Variants in KIRREL3 observed in about 807,000 individuals in gnomAD.
KIRREL3 encodes the protein kirre like nephrin family adhesion molecule 3.
KIRREL3 carries 36 observed loss-of-function variants against 89.7 expected under a neutral mutation model. That is an observed-to-expected ratio of 0.40 (90% confidence interval 0.31 to 0.53). The LOEUF (loss-of-function observed/expected upper bound fraction) is 0.53, where lower values mean the gene tolerates loss of function less well. Among genes scored for constraint, KIRREL3 ranks in the 20% least tolerant of loss-of-function variants. The pLI, the probability that KIRREL3 is intolerant of heterozygous loss-of-function variation, is 0.49. For missense variants in KIRREL3, 864 were observed against 1,056.6 expected (o/e 0.82, Z 2.53); for synonymous variants, 445 against 441.4 (o/e 1.01, Z -0.10).
At chr11:126,813,103 T>C (rs902751441) in intron 1 of KIRREL3, among the ~76,000 whole-genome samples, 3 of 152,308 alleles carry the variant, frequency 2.0e-5, no homozygotes, top group East Asian at 3.9e-4. Context: ...GGCTCGTGTC[T>C]CCTTGTAGTA....
In KIRREL3 at chr11:126,658,010, G is replaced by A. The variant is rs150020852; in HGVS notation, c.56-95098C>T. Among the ~76,000 whole-genome samples, 327 of 152,252 alleles carry A rather than the reference G, an allele frequency of 2.1e-3. 10 individuals are homozygous for A. The highest frequency in any genetic ancestry group is 0.013 in the Admixed American group (206 of 15,294). ...AGAAGATGGCATTGCCAAAGCCTGGGGCTGCTCACCCAATCCCTTTGTGTC... is the reference window on the plus strand; with the variant it reads ...AGAAGATGGCATTGCCAAAGCCTGGAGCTGCTCACCCAATCCCTTTGTGTC... On this transcript the variant is annotated intron_variant, in intron 1 of 16. Coordinates refer to ENST00000525144, the MANE Select transcript of KIRREL3 (RefSeq NM_032531.4).
chr11:126,445,488 T>C (rs1320289319), intron 9 of KIRREL3, among the ~76,000 whole-genome samples: 2 of 152,250 alleles, frequency 1.3e-5, no homozygotes, highest in East Asian at 3.9e-4. Context: ...TAGCCATGGG[T>C]GACATGATCC....
Position 126,520,904 on chromosome 11 carries a change from G to A in KIRREL3, c.433+411C>T, listed in dbSNP as rs1958565211. Among the ~76,000 whole-genome samples, 1 of 152,118 alleles carries A rather than the reference G, an allele frequency of 6.6e-6. No homozygotes were observed. Among genetic ancestry groups the A allele is most frequent in the Non-Finnish European group, 1.5e-5 (1 of 68,014 alleles). ...TTCTACAGAGAAGGTGGAAAGATAG[G>A]GCTTTGTTAGCACCGGAGTGGGGGT... On this transcript the variant is annotated intron_variant, in intron 4 of 16. Coordinates refer to ENST00000525144, the MANE Select transcript of KIRREL3 (RefSeq NM_032531.4). The surrounding 1 kb of genome is among the most constrained non-coding windows in gnomAD (Gnocchi z 4.9).
rs1413127503 is a variant in KIRREL3 at position 126,965,232 on chromosome 11, G to C, written c.55+35223C>G. ...TCAAATTAATAAGTCCACTTGGTTT[G>C]ATTACTTTCATTTAGTTAATTTATA... On this transcript the variant is annotated intron_variant, in intron 1 of 16. Coordinates refer to ENST00000525144, the MANE Select transcript of KIRREL3 (RefSeq NM_032531.4). The surrounding 1 kb of genome is among the most constrained non-coding windows in gnomAD (Gnocchi z 4.4). Among the ~76,000 whole-genome samples, 1 of 152,144 alleles carries C rather than the reference G, an allele frequency of 6.6e-6. No individual in the cohort carries two copies. Among genetic ancestry groups the C allele is most frequent in the African/African-American group, 2.4e-5 (1 of 41,434 alleles).
chr11:126,471,452 TC>T lies in KIRREL3; in HGVS notation c.591+1856del, dbSNP rs1161003636. On this transcript the variant is annotated intron_variant, in intron 5 of 16. Coordinates refer to ENST00000525144, the MANE Select transcript of KIRREL3 (RefSeq NM_032531.4). The surrounding 1 kb of genome is among the most constrained non-coding windows in gnomAD (Gnocchi z 5.4). ...GAAAAGACAGTTTGCTACTCATAGT[TC>T]CCAGAGGAAGGGGAGGCCCCAGGGT... Among the ~76,000 whole-genome samples the T allele has an allele frequency of 6.6e-6, 1 of 152,036 alleles. No individual in the cohort carries two copies. Among genetic ancestry groups the T allele is most frequent in the Non-Finnish European group, 1.5e-5 (1 of 68,000 alleles).
At position 126,747,442 on chromosome 11, in the gene KIRREL3, C is replaced by T. The variant is rs1949190468; in HGVS notation, c.56-184530G>A. 1.3e-5 allele frequency among the ~76,000 whole-genome samples: 2 copies of T among 152,206 alleles called. No homozygotes were observed. Among genetic ancestry groups the T allele is most frequent in the African/African-American group, 4.8e-5 (2 of 41,454 alleles). On this transcript the variant is annotated intron_variant, in intron 1 of 16. Coordinates refer to ENST00000525144, the MANE Select transcript of KIRREL3 (RefSeq NM_032531.4). The surrounding 1 kb of genome is among the most constrained non-coding windows in gnomAD (Gnocchi z 4.7). Reference sequence around the variant, plus strand: ...GTTATCCCAGACCATTTACCATTCTCTGATTAAGTCATGCAACCTCATCGC... The same window carrying T: ...GTTATCCCAGACCATTTACCATTCTTTGATTAAGTCATGCAACCTCATCGC...
chr11:126,853,060 GT>G (rs997249851), intron 1 of KIRREL3, among the ~76,000 whole-genome samples: 3 of 152,080 alleles, frequency 2.0e-5, no homozygotes, highest in African/African-American at 7.2e-5. Flanking sequence ...TGTCGTGCAA[GT>G]TTTTTTGTGT....
At chr11:126,577,592 CAAA>C (rs61210940) in intron 1 of KIRREL3, among the ~76,000 whole-genome samples, 4 of 115,972 alleles carry the variant, frequency 3.4e-5, no homozygotes, top group Admixed American at 9.5e-5. Flanking sequence ...ACTAAAAATA[CAAA>C]AAAAAAAAAA....
intron 1 of KIRREL3, among the ~76,000 whole-genome samples, chr11:126,813,721 G>A (rs1951464062): frequency 6.6e-6 from 1 of 151,708 alleles, no homozygotes; most frequent in African/African-American, 2.4e-5. Context: ...TAAGTGAATA[G>A]TGCCCTTAAA....
At chr11:126,556,036 C>G (rs1474004080) in intron 2 of KIRREL3, among the ~76,000 whole-genome samples, 1 of 152,228 alleles carries the variant, frequency 6.6e-6, no homozygotes, top group Non-Finnish European at 1.5e-5. Context: ...GCCACCGTGC[C>G]CGGCCTTCAG....
rs1002464873 is a variant in KIRREL3, at chr11:126,647,653, C to A, written c.56-84741G>T. On this transcript the variant is annotated intron_variant, in intron 1 of 16. Transcript: ENST00000525144. This position sits in a 1 kb window ranked among gnomAD's most constrained non-coding sequence, Gnocchi z 4.9. ...TGGTCTTCTTGCCCCTCCAAGGCTA[C>A]CCCCTGGTCCAAGTCACTTGGACCC... Among the ~76,000 whole-genome samples the A allele has an allele frequency of 1.3e-5, 2 of 152,194 alleles. No homozygotes were observed. Among genetic ancestry groups the A allele is most frequent in the African/African-American group, 4.8e-5 (2 of 41,448 alleles).
rs1456354219 is a variant in KIRREL3, at chr11:126,609,679, T to A, written c.56-46767A>T. The stretch of plus-strand genomic sequence containing the variant: ...GGGGGTTCCGAACTTTGGCTGCATA[T>A]TGGAATTATCTGAGATGTCTGAAAA... On this transcript the variant is annotated intron_variant, in intron 1 of 16. Coordinates refer to ENST00000525144, the MANE Select transcript of KIRREL3 (RefSeq NM_032531.4). This position sits in a 1 kb window ranked among gnomAD's most constrained non-coding sequence, Gnocchi z 5.0. Among the ~76,000 whole-genome samples the A allele has an allele frequency of 6.6e-6, 1 of 152,172 alleles. No homozygotes were observed. The highest frequency in any genetic ancestry group is 1.5e-5 in the Non-Finnish European group (1 of 68,038).
chr11:126,640,362 G>T lies in KIRREL3; in HGVS notation c.56-77450C>A, dbSNP rs4997110. Among the ~76,000 whole-genome samples, 3,280 of 151,804 alleles carry T rather than the reference G, an allele frequency of 0.022. 125 individuals carry two copies. The highest frequency in any genetic ancestry group is 0.074 in the African/African-American group (3,053 of 41,462). On this transcript the variant is annotated intron_variant, in intron 1 of 16. Coordinates refer to ENST00000525144, the MANE Select transcript of KIRREL3 (RefSeq NM_032531.4). This position sits in a 1 kb window ranked among gnomAD's most constrained non-coding sequence, Gnocchi z 4.9. Reference sequence around the variant, plus strand: ...CACACACAGACGCGCGTGTGCGCGCGCACACACACGCACACGCGCACACAC... The same window carrying T: ...CACACACAGACGCGCGTGTGCGCGCTCACACACACGCACACGCGCACACAC...
chr11:126,713,022 C>T (rs77791867), intron 1 of KIRREL3, among the ~76,000 whole-genome samples: 4,868 of 152,224 alleles, frequency 0.032, 175 homozygotes, highest in African/African-American at 0.094. Context: ...TTCCTCATCT[C>T]AGGGAGCTCA....
intron 1 of KIRREL3, among the ~76,000 whole-genome samples, chr11:126,617,568 A>G (rs1172182471): frequency 1.3e-5 from 2 of 152,258 alleles, no homozygotes; most frequent in African/African-American, 2.4e-5. Flanking sequence ...CCAGCAAATC[A>G]GCCATCTCAT....
intron 1 of KIRREL3, among the ~76,000 whole-genome samples, chr11:126,864,195 T>G (rs1291983659): frequency 6.6e-6 from 1 of 152,210 alleles, no homozygotes; most frequent in Non-Finnish European, 1.5e-5. Flanking sequence ...GGAGTTATTA[T>G]TCTCATTTTA....
At position 126,475,145 on chromosome 11, in the gene KIRREL3, C is replaced by G. The variant is rs899451673; in HGVS notation, c.434-1679G>C. The stretch of plus-strand genomic sequence containing the variant: ...GGCGTGGGAACCTAGCACAAAGGGT[C>G]CTCTCTGCCTGGTGGCCAGAGAAGC... On this transcript the variant is annotated intron_variant, in intron 4 of 16. Coordinates refer to ENST00000525144, the MANE Select transcript of KIRREL3 (RefSeq NM_032531.4). This position sits in a 1 kb window ranked among gnomAD's most constrained non-coding sequence, Gnocchi z 7.5. Among the ~76,000 whole-genome samples the G allele has an allele frequency of 6.6e-6, 1 of 152,192 alleles. No individual in the cohort carries two copies. Among genetic ancestry groups the G allele is most frequent in the Non-Finnish European group, 1.5e-5 (1 of 68,026 alleles).
rs1293327426 is a variant in KIRREL3 at position 126,754,639 on chromosome 11, G to A, written c.56-191727C>T. Among the ~76,000 whole-genome samples the A allele has an allele frequency of 2.0e-5, 3 of 151,760 alleles. No individual in the cohort carries two copies. The highest frequency in any genetic ancestry group is 4.2e-4 in the South Asian group (2 of 4,794). ...TTTAAAGTCACCAGGGAGTTCGTGC[G>A]CACTCAGTGGTGTCAGGTGGCTGTG... is the stretch of plus-strand genomic sequence containing the variant. On this transcript the variant is annotated intron_variant, in intron 1 of 16. Transcript: ENST00000525144. The surrounding 1 kb of genome is among the most constrained non-coding windows in gnomAD (Gnocchi z 5.1).
intron 1 of KIRREL3, among the ~76,000 whole-genome samples, chr11:126,793,859 C>T (rs534718085): frequency 6.6e-6 from 1 of 152,294 alleles, no homozygotes; most frequent in Admixed American, 6.5e-5. Context: ...AATAAATTTG[C>T]AATCCAAATA....
Sources: allele counts gnomAD v4.1 joint callset (sites outside exome capture counted in the v4.1 genomes callset), GRCh38; gene constraint gnomAD v4.1.1; non-coding constraint Gnocchi (gnomAD v3.1); transcripts MANE v1.5; gene names NCBI Gene and HGNC (gene_info 2026-07-23, HGNC 2026-07-21).